Variants in RELN observed in about 807,000 individuals in gnomAD.
RELN encodes the protein reelin.
Under a neutral mutation model 427.6 loss-of-function variants are expected in RELN, and 108 were observed. The ratio of observed to expected loss-of-function variants is 0.25; its 90% confidence interval spans 0.22 to 0.30. The LOEUF (loss-of-function observed/expected upper bound fraction) is 0.30, where lower values mean the gene tolerates loss of function less well. RELN is among the 10% of genes least tolerant of loss of function. RELN has a pLI of 1.00. For missense variants in RELN, 3,715 were observed against 4,302.8 expected (o/e 0.86, Z 3.82); for synonymous variants, 1,524 against 1,513.4 (o/e 1.01, Z -0.16).
At chr7:103,891,081 C>CA (rs1409276050) in intron 2 of RELN, among the ~76,000 whole-genome samples, 1 of 151,846 alleles carries the variant, frequency 6.6e-6, no homozygotes, top group African/African-American at 2.4e-5. Flanking sequence ...GACTCTGTCT[C>CA]AAAAAAACAA....
intron 10 of RELN, among the ~76,000 whole-genome samples, chr7:103,687,332 G>A (rs759009694): frequency 1.3e-5 from 2 of 152,160 alleles, no homozygotes; most frequent in Non-Finnish European, 2.9e-5. Flanking sequence ...GCCAGGCACA[G>A]TGTGGGAGAC....
chr7:103,734,361 C>T (rs1439036640), intron 6 of RELN, among the ~76,000 whole-genome samples: 1 of 152,124 alleles, frequency 6.6e-6, no homozygotes, highest in African/African-American at 2.4e-5. Flanking sequence ...CTAAATGTTT[C>T]TGTAATCTAA....
intron 16 of RELN, among the ~76,000 whole-genome samples, chr7:103,647,140 A>C (rs888569432): frequency 1.3e-5 from 2 of 152,078 alleles, no homozygotes; most frequent in Non-Finnish European, 2.9e-5. Flanking sequence ...TCCCTCTAAG[A>C]ACTGGAACAT....
intron 11 of RELN, among the ~76,000 whole-genome samples, chr7:103,664,319 G>A (rs1375086273): frequency 6.6e-6 from 1 of 152,190 alleles, no homozygotes; most frequent in Non-Finnish European, 1.5e-5. Flanking sequence ...TTCCCCATCA[G>A]CCTTTCTTAA....
At chr7:103,772,386 A>G (rs186927712) in intron 4 of RELN, among the ~76,000 whole-genome samples, 26 of 152,346 alleles carry the variant, frequency 1.7e-4, no homozygotes, top group African/African-American at 6.3e-4. Flanking sequence ...TTGTTTCCTC[A>G]TCTTCAAAGT....
intron 3 of RELN, among the ~76,000 whole-genome samples, chr7:103,799,472 T>C (rs2116304820): frequency 6.6e-6 from 1 of 152,298 alleles, no homozygotes. Flanking sequence ...ACAGCCCAGT[T>C]CATGCTTTCA....
intron 5 of RELN, among the ~76,000 whole-genome samples, chr7:103,751,170 T>G (rs887977955): frequency 2.6e-5 from 4 of 152,246 alleles, no homozygotes; most frequent in Non-Finnish European, 4.4e-5. Context: ...TTGACAATTT[T>G]GTTTGAACTA....
intron 22 of RELN, among the ~76,000 whole-genome samples, chr7:103,606,614 A>G (rs1457971598): frequency 6.6e-6 from 1 of 152,170 alleles, no homozygotes; most frequent in African/African-American, 2.4e-5. Context: ...TAAAAAACCC[A>G]TGGCACCCAT....
chr7:103,665,617 T>G (rs1291187089), intron 11 of RELN, among the ~76,000 whole-genome samples: 1 of 152,184 alleles, frequency 6.6e-6, no homozygotes, highest in African/African-American at 2.4e-5. Flanking sequence ...TCTTTGTAAA[T>G]AATCTTTCTT....
At position 103,823,512 on chromosome 7, in the gene RELN, T is replaced by C. The variant is rs562979419; in HGVS notation, c.473+10025A>G. Among the ~76,000 whole-genome samples the C allele has an allele frequency of 2.6e-4, 40 of 152,150 alleles. No homozygotes were observed. In the South Asian group the frequency reaches 8.1e-3, roughly 31 times the overall value. ...TTTCTGTTCTTTACATTTACATTTTTAACAGTCAACTGAGCCCATAACCTT... is the reference window on the plus strand; with the variant it reads ...TTTCTGTTCTTTACATTTACATTTTCAACAGTCAACTGAGCCCATAACCTT... On this transcript the variant is annotated intron_variant, in intron 3 of 64. Transcript: ENST00000428762.
At chr7:103,775,320 C>G (rs117296873) in intron 4 of RELN, among the ~76,000 whole-genome samples, 1 of 151,790 alleles carries the variant, frequency 6.6e-6, no homozygotes, top group Non-Finnish European at 1.5e-5. Flanking sequence ...CCCAGGAATA[C>G]TGATAATATG....
chr7:103,742,051 ACTCCT>A (rs1219407930), intron 6 of RELN, among the ~76,000 whole-genome samples: 1 of 152,052 alleles, frequency 6.6e-6, no homozygotes, highest in Non-Finnish European at 1.5e-5. Context: ...ACGGCCAGGT[ACTCCT>A]CTGAGACAAA....
Position 103,780,499 on chromosome 7 carries a change from G to A in RELN, c.474-3872C>T, listed in dbSNP as rs143049633. 2.2e-3 allele frequency among the ~76,000 whole-genome samples: 331 copies of A among 152,202 alleles called. 2 individuals carry two copies. The highest frequency in any genetic ancestry group is 7.5e-3 in the African/African-American group (313 of 41,528). On this transcript the variant is annotated intron_variant, in intron 3 of 64. Coordinates refer to ENST00000428762, the MANE Select transcript of RELN (RefSeq NM_005045.4). The stretch of plus-strand genomic sequence containing the variant: ...GTTGTACAGATTACTTCATCACCCA[G>A]GTACTAAGCCTAGTACACATTAGTT...
At chr7:103,887,340 C>G (rs545106756) in intron 2 of RELN, among the ~76,000 whole-genome samples, 71 of 152,306 alleles carry the variant, frequency 4.7e-4, no homozygotes, top group African/African-American at 1.7e-3. Flanking sequence ...TTCATAGGCC[C>G]TAGCCATTGC....
At chr7:103,511,245 GA>G (rs905878422) in intron 50 of RELN, among the ~76,000 whole-genome samples, 19 of 151,878 alleles carry the variant, frequency 1.3e-4, no homozygotes, top group South Asian at 8.3e-4. Context: ...GTCTACACAT[GA>G]AAAAAAGTAT....
At chr7:103,874,738 T>C (rs1209923941) in intron 2 of RELN, among the ~76,000 whole-genome samples, 2 of 150,750 alleles carry the variant, frequency 1.3e-5, no homozygotes, top group Non-Finnish European at 3.0e-5. Context: ...ACATTCCATG[T>C]TCATGGGTAG....
intron 1 of RELN, among the ~76,000 whole-genome samples, chr7:103,952,919 A>C (rs1372600065): frequency 6.6e-6 from 1 of 152,220 alleles, no homozygotes; most frequent in Admixed American, 6.5e-5. Context: ...CGGTATTTTA[A>C]CATGGAAATA....
chr7:103,678,917 A>C (rs2115677991), intron 11 of RELN, among the ~76,000 whole-genome samples: 1 of 152,254 alleles, frequency 6.6e-6, no homozygotes, highest in East Asian at 1.9e-4. Context: ...TGGTGGATGA[A>C]AGAAGGAGAC....
intron 3 of RELN, among the ~76,000 whole-genome samples, chr7:103,826,264 TA>T (rs2116386857): frequency 6.6e-6 from 1 of 151,878 alleles, no homozygotes; most frequent in African/African-American, 2.4e-5. Context: ...TTCTATTGTT[TA>T]TAAATGATCC....
Sources: gnomAD v4.1 joint callset for allele counts (sites outside exome capture counted in the v4.1 genomes callset) on GRCh38, gnomAD v4.1.1 for gene constraint, MANE v1.5 for transcripts, NCBI Gene and HGNC (gene_info 2026-07-23, HGNC 2026-07-21) for gene names.